The following INSIG2 variants were observed in gnomAD, a reference collection of about 807,000 sequenced individuals.
The protein encoded by INSIG2 is insulin induced gene 2, also known as insulin-induced gene 2 protein.
INSIG2 carries 10 observed loss-of-function variants against 27.2 expected under a neutral mutation model. That is an observed-to-expected ratio of 0.37 (90% CI 0.23 to 0.62). The LOEUF (loss-of-function observed/expected upper bound fraction) is 0.62. Among genes scored for constraint, INSIG2 ranks in the 20% least tolerant of loss-of-function variants. The pLI is 0.65. For missense variants in INSIG2, 178 were observed against 270.2 expected (o/e 0.66, Z 2.39); for synonymous variants, 97 against 95.8 (o/e 1.01, Z -0.07).
chr2:118,104,843 TTAAA>T (rs1259515801), intron 3 of INSIG2, among the ~76,000 whole-genome samples: 1 of 152,200 alleles, frequency 6.6e-6, no homozygotes, highest in Non-Finnish European at 1.5e-5. Context: ...GTAGAGAAAT[TTAAA>T]TAGCCTTTTC....
intron 2 of INSIG2, 117 bp from the exon 3 acceptor site, chr2:118,103,080 G>GTT (rs761963504): frequency 1.8e-3 from 1,163 of 641,764 alleles, no homozygotes; most frequent in Middle Eastern, 2.1e-3. Context: ...TTTTTTTTTT[G>GTT]TTTTTTTTTT....
intron 1 of INSIG2, among the ~76,000 whole-genome samples, chr2:118,094,104 T>TGATGAG (rs1678346699): frequency 3.0e-5 from 1 of 33,200 alleles, no homozygotes; most frequent in Admixed American, 3.0e-4. Context: ...ATGATGATGA[T>TGATGAG]GAGGAGGAGG....
chr2:118,106,339 G>T (rs780109365), intron 3 of INSIG2, among the ~76,000 whole-genome samples: 55 of 152,266 alleles, frequency 3.6e-4, no homozygotes, highest in Non-Finnish European at 4.7e-4. Flanking sequence ...AAGTAATATT[G>T]GTTTCCTTTT....
At chr2:118,103,400 T>G (rs1026960214) in intron 3 of INSIG2, 79 bp downstream of exon 3, 15 of 1,259,772 alleles carry the variant, frequency 1.2e-5, no homozygotes, top group Non-Finnish European at 4.4e-6. Flanking sequence ...CCCTTACAAC[T>G]TCACTGTTGT....
At chr2:118,100,216 C>T (rs1678507440) in intron 2 of INSIG2, among the ~76,000 whole-genome samples, 1 of 151,962 alleles carries the variant, frequency 6.6e-6, no homozygotes. Context: ...CACCTCTTTC[C>T]GTGAAGCTTT....
At chr2:118,106,280 T>C (rs561224313) in intron 3 of INSIG2, among the ~76,000 whole-genome samples, 12 of 152,356 alleles carry the variant, frequency 7.9e-5, no homozygotes, top group Non-Finnish European at 1.2e-4. Context: ...TCAACTCTTC[T>C]ATTTTCAAGT....
chr2:118,107,657 C>A lies in INSIG2; in HGVS notation c.636+468C>A, dbSNP rs1161505042. ...GCCACAGCAGTTTTATGAATCAGTG[C>A]TGTCACTTTTACCTTTTTAGCCAGG... is the stretch of plus-strand genomic sequence containing the variant. On this transcript the variant is annotated intron_variant, in intron 5 of 5. Coordinates refer to ENST00000245787, the MANE Select transcript of INSIG2 (RefSeq NM_016133.4). Among the ~76,000 whole-genome samples, 4 of 152,176 alleles carry A rather than the reference C, an allele frequency of 2.6e-5. No individual in the cohort carries two copies. In the East Asian group the frequency reaches 7.7e-4, roughly 29 times the overall value.
At chr2:118,091,738 A>G (rs1678236981) in intron 1 of INSIG2, among the ~76,000 whole-genome samples, 1 of 152,236 alleles carries the variant, frequency 6.6e-6, no homozygotes, top group Non-Finnish European at 1.5e-5. Context: ...GTTATTTTTA[A>G]GGAAAACTTT....
At chr2:118,106,613 CTGAA>C in intron 3 of INSIG2, 120 bp from the exon 4 acceptor site, 1 of 695,498 alleles carries the variant, frequency 1.4e-6, no homozygotes, top group Non-Finnish European at 2.4e-6. Flanking sequence ...TACTAAGAGA[CTGAA>C]TGTACTTGAG....
At chr2:118,099,526 C>T (rs1678490614) in intron 2 of INSIG2, among the ~76,000 whole-genome samples, 1 of 151,908 alleles carries the variant, frequency 6.6e-6, no homozygotes, top group African/African-American at 2.4e-5. Context: ...GTGCCATGCA[C>T]CAGAATTGGA....
At chr2:118,097,132 A>G (rs1678427062) in intron 2 of INSIG2, among the ~76,000 whole-genome samples, 1 of 151,176 alleles carries the variant, frequency 6.6e-6, no homozygotes, top group Non-Finnish European at 1.5e-5. Context: ...CTAGAATGCA[A>G]TATAAATGGG....
intron 2 of INSIG2, among the ~76,000 whole-genome samples, chr2:118,097,527 A>T (rs1678440635): frequency 6.6e-6 from 1 of 152,214 alleles, no homozygotes; most frequent in Non-Finnish European, 1.5e-5. Flanking sequence ...GTATCCTATT[A>T]GTTACTTTAG....
At chr2:118,092,646 T>A (rs1307626070) in intron 1 of INSIG2, among the ~76,000 whole-genome samples, 1 of 152,212 alleles carries the variant, frequency 6.6e-6, no homozygotes, top group African/African-American at 2.4e-5. Flanking sequence ...GCATGTCATG[T>A]GACCATAAGC....
chr2:118,107,469 C>G (rs1335392705), intron 5 of INSIG2, among the ~76,000 whole-genome samples: 1 of 152,146 alleles, frequency 6.6e-6, no homozygotes, highest in Non-Finnish European at 1.5e-5. Flanking sequence ...ATCTACAGGT[C>G]TCCCACTATA....
At chr2:118,103,374 C>T (rs994775878) in intron 3 of INSIG2, 53 bp downstream of exon 3, 18 of 1,534,638 alleles carry the variant, frequency 1.2e-5, no homozygotes, top group African/African-American at 2.7e-5. Context: ...TTCCAACAAA[C>T]CAAAGGTTAA....
At chr2:118,090,909 A>G (rs1206651698) in intron 1 of INSIG2, among the ~76,000 whole-genome samples, 2 of 152,170 alleles carry the variant, frequency 1.3e-5, no homozygotes, top group Non-Finnish European at 2.9e-5. Context: ...ATGGAAACTA[A>G]CAACACCTGC....
At chr2:118,103,388 G>GC in intron 3 of INSIG2, 67 bp downstream of exon 3, 1 of 1,411,606 alleles carries the variant, frequency 7.1e-7, no homozygotes, top group East Asian at 2.3e-5. Context: ...AGGTTAAACA[G>GC]CCCCTTACAA....
At chr2:118,103,786 C>T (rs1254527694) in intron 3 of INSIG2, among the ~76,000 whole-genome samples, 3 of 151,876 alleles carry the variant, frequency 2.0e-5, no homozygotes, top group African/African-American at 7.3e-5. Flanking sequence ...TCAATACCGA[C>T]AAACCACATA....
Position 118,090,821 on chromosome 2 carries a change from G to A in INSIG2, c.-139+2280G>A, listed in dbSNP as rs772552395. Among the ~76,000 whole-genome samples the A allele has an allele frequency of 2.0e-4, 31 of 152,296 alleles. 1 individual carries two copies. The highest frequency in any genetic ancestry group is 1.5e-4 in the Non-Finnish European group (10 of 68,026). Reference sequence around the variant, plus strand: ...AGAACTCCGGACATGGGGTCAGAGTGGGTGAGCCTAGTCCTGGTGCTACCT... The same window carrying A: ...AGAACTCCGGACATGGGGTCAGAGTAGGTGAGCCTAGTCCTGGTGCTACCT... On this transcript the variant is annotated intron_variant, in intron 1 of 5. Transcript: ENST00000245787.
Sources: allele counts gnomAD v4.1 joint callset (sites outside exome capture counted in the v4.1 genomes callset), GRCh38; gene constraint gnomAD v4.1.1; transcripts MANE v1.5; gene names NCBI Gene and HGNC (gene_info 2026-07-23, HGNC 2026-07-21).